TMEM165: variants seen among roughly 807,000 people sequenced by gnomAD.
The protein encoded by TMEM165 is putative divalent cation/proton antiporter TMEM165.
TMEM165 carries 19 observed loss-of-function variants against 30.0 expected under a neutral mutation model. That is an observed-to-expected ratio of 0.63 (90% CI 0.44 to 0.93). The LOEUF is 0.93. TMEM165 is among the 40% of genes least tolerant of loss of function. The pLI, the probability that TMEM165 is intolerant of heterozygous loss-of-function variation, is 0.00. For synonymous variants in TMEM165, 168 were observed against 162.9 expected, an observed-to-expected ratio of 1.03 and a Z score of -0.24; for missense variants, 340 against 417.0, an observed-to-expected ratio of 0.82 and a Z score of 1.61.
intron 1 of TMEM165, among the ~76,000 whole-genome samples, chr4:55,408,032 C>A (rs1231765774): frequency 6.6e-6 from 1 of 152,180 alleles, no homozygotes; most frequent in Non-Finnish European, 1.5e-5. Context: ...AACCACTACA[C>A]TGTGTCCCTG....
At chr4:55,405,996 G>GA (rs1350131126) in intron 1 of TMEM165, among the ~76,000 whole-genome samples, 1 of 152,194 alleles carries the variant, frequency 6.6e-6, no homozygotes, top group African/African-American at 2.4e-5. Context: ...GGTATATGCA[G>GA]AAAAGGAGTG....
At chr4:55,435,554 ATGAGT>A (rs1421580191) in intron 3 of TMEM165, 6 of 1,614,010 alleles carry the variant, frequency 3.7e-6, no homozygotes, top group Non-Finnish European at 5.1e-6. Context: ...AGCAGAGAGA[ATGAGT>A]TGAGTTGAGG....
Position 55,395,989 on chromosome 4 carries a change from G to C in TMEM165, c.-201G>C, listed in dbSNP as rs1186345252. The C allele has an allele frequency of 2.5e-6, 1 of 395,338 alleles. No homozygotes were observed. The highest frequency in any genetic ancestry group is 4.3e-6 in the Non-Finnish European group (1 of 229,982). The allele number at this position is 395,338 out of a possible 1,614,324, so 24.5% of individuals were successfully genotyped here. On this transcript the variant is annotated 5_prime_UTR_variant, in exon 1 of 6. Transcript: ENST00000381334. Reference sequence around the variant, plus strand: ...GTTTAGCCGCCGCCGGAGAGGACGGGCGCCGAGCCGGGGCTGCGGACTTCG... The same window carrying C: ...GTTTAGCCGCCGCCGGAGAGGACGGCCGCCGAGCCGGGGCTGCGGACTTCG...
intron 1 of TMEM165, among the ~76,000 whole-genome samples, chr4:55,400,379 A>AATTAATTATATTAAT (rs1200211221): frequency 5.6e-3 from 76 of 13,646 alleles, no homozygotes; most frequent in Non-Finnish European, 0.021. Flanking sequence ...ATATTAATAT[A>AATTAATTATATTAAT]ATAATAATAA....
At chr4:55,431,431 T>A (rs1443328715) in intron 3 of TMEM165, 1 of 152,226 alleles carries the variant, frequency 6.6e-6, no homozygotes. Flanking sequence ...GAAGCTCCTT[T>A]TAGAAGAAAG....
intron 1 of TMEM165, among the ~76,000 whole-genome samples, chr4:55,402,421 A>G (rs1578229435): frequency 1.8e-5 from 1 of 56,522 alleles, no homozygotes; most frequent in Non-Finnish European, 2.9e-5. Context: ...ATATATATAT[A>G]TATATATATA....
chr4:55,447,959 G>C (rs953200335), intron 3 of TMEM165, among the ~76,000 whole-genome samples: 2 of 152,114 alleles, frequency 1.3e-5, no homozygotes, highest in Admixed American at 1.3e-4. Flanking sequence ...GGGAAGTTAG[G>C]CTCTAAAGTA....
intron 1 of TMEM165, among the ~76,000 whole-genome samples, chr4:55,403,811 C>T (rs1560388275): frequency 1.3e-5 from 2 of 152,134 alleles, no homozygotes; most frequent in African/African-American, 2.4e-5. Context: ...CTGCCTTTTT[C>T]ATGTTTTGGA....
intron 2 of TMEM165, among the ~76,000 whole-genome samples, chr4:55,412,899 T>C (rs1172329676): frequency 3.9e-5 from 6 of 152,224 alleles, no homozygotes; most frequent in Admixed American, 6.5e-5. Flanking sequence ...AAAGAAAATA[T>C]ATTATAAATT....
chr4:55,451,389 T>C (rs1345888278), intron 3 of TMEM165, among the ~76,000 whole-genome samples: 2 of 152,220 alleles, frequency 1.3e-5, no homozygotes, highest in Non-Finnish European at 2.9e-5. Flanking sequence ...ACTTACTAGC[T>C]ATTACCCCCC....
rs757817159 is a variant in TMEM165 at position 55,417,117 on chromosome 4, A to G, written c.479A>G (p.Tyr160Cys). 6.2e-7 allele frequency: 1 copy of G among 1,613,906 alleles called. No homozygotes were observed. The highest frequency in any genetic ancestry group is 8.5e-7 in the Non-Finnish European group (1 of 1,179,960). Residue 160 changes from tyrosine to cysteine, a missense_variant, in exon 3 of 6, where the codon TAC (tyrosine) becomes TGC (cysteine). Physicochemically the swap from Tyr to Cys is radical, Grantham distance 194. This residue lies in a region of TMEM165 where 220 missense variants were observed against 307.6 expected (regional missense o/e 0.72). Coordinates refer to ENST00000381334, the MANE Select transcript of TMEM165 (RefSeq NM_018475.5). ...ACAGTCATCCCCAGGGTCTATACAT[A>G]CTATGTTTCAACTGTATTATTTGCC... ...ATTVIPRVYT[Y>C]YVSTVLFAIF...
chr4:55,415,453 A>T (rs2109548774), intron 2 of TMEM165: 1 of 151,618 alleles, frequency 6.6e-6, no homozygotes, highest in South Asian at 2.1e-4. Context: ...CAGTCCTGGA[A>T]CTGGCCATTT....
intron 3 of TMEM165, among the ~76,000 whole-genome samples, chr4:55,417,533 C>T (rs1721785544): frequency 6.6e-6 from 1 of 152,164 alleles, no homozygotes; most frequent in Non-Finnish European, 1.5e-5. Flanking sequence ...ATAATTTTAC[C>T]TGTTTCTCCC....
chr4:55,447,785 T>C (rs1723993762), intron 3 of TMEM165, among the ~76,000 whole-genome samples: 1 of 152,208 alleles, frequency 6.6e-6, no homozygotes, highest in South Asian at 2.1e-4. Context: ...AAAAATATTG[T>C]TTTCACCTAT....
At chr4:55,433,783 A>G (rs1437236308) in intron 3 of TMEM165, 2 of 152,196 alleles carry the variant, frequency 1.3e-5, no homozygotes, top group African/African-American at 4.8e-5. Flanking sequence ...TACTTTTAGA[A>G]TATGATATTG....
chr4:55,409,932 T>C (rs1003675556), intron 1 of TMEM165, among the ~76,000 whole-genome samples: 10 of 152,206 alleles, frequency 6.6e-5, no homozygotes, highest in African/African-American at 2.4e-4. Flanking sequence ...TTAAAAACTT[T>C]CCCAATTATT....
chr4:55,450,259 T>TA (rs1490849587), intron 3 of TMEM165: 4 of 1,613,548 alleles, frequency 2.5e-6, no homozygotes, highest in Non-Finnish European at 2.5e-6. Flanking sequence ...AAATAAATGT[T>TA]TTCTTGTGGT....
At chr4:55,400,806 A>G (rs572205827) in intron 1 of TMEM165, among the ~76,000 whole-genome samples, 1 of 150,612 alleles carries the variant, frequency 6.6e-6, no homozygotes, top group South Asian at 2.1e-4. Context: ...CACTATGCTG[A>G]AAGATTTTTC....
At chr4:55,413,556 T>G (rs1193559628) in intron 2 of TMEM165, among the ~76,000 whole-genome samples, 1 of 152,214 alleles carries the variant, frequency 6.6e-6, no homozygotes, top group Non-Finnish European at 1.5e-5. Flanking sequence ...CCTCAAATGA[T>G]CGCCCGCCTT....
Sources: allele counts gnomAD v4.1 joint callset (sites outside exome capture counted in the v4.1 genomes callset), GRCh38; gene constraint gnomAD v4.1.1; regional missense constraint gnomAD v4.1.1; transcripts MANE v1.5; gene names NCBI Gene and HGNC (gene_info 2026-07-23, HGNC 2026-07-21).